The following MAP2K4 variants were observed in gnomAD, a reference collection of about 807,000 sequenced individuals.
MAP2K4 encodes the protein dual specificity mitogen-activated protein kinase kinase 4.
MAP2K4 carries 4 observed loss-of-function variants against 48.5 expected under a neutral mutation model. The ratio of observed to expected loss-of-function variants is 0.08; its 90% CI spans 0.04 to 0.19. MAP2K4 has a LOEUF of 0.19. MAP2K4 is among the 10% of genes least tolerant of loss of function. The pLI is 1.00. For missense variants in MAP2K4, 258 were observed against 493.3 expected (o/e 0.52, Z 4.52); for synonymous variants, 166 against 173.1 (o/e 0.96, Z 0.32).
chr17:12,047,223 T>G (rs1319115854), intron 1 of MAP2K4, among the ~76,000 whole-genome samples: 1 of 152,060 alleles, frequency 6.6e-6, no homozygotes, highest in East Asian at 1.9e-4. Flanking sequence ...GAGGAAAATG[T>G]TTAATATTTA....
At chr17:12,055,291 A>G (rs1970250374) in intron 2 of MAP2K4, among the ~76,000 whole-genome samples, 1 of 152,120 alleles carries the variant, frequency 6.6e-6, no homozygotes, top group African/African-American at 2.4e-5. Flanking sequence ...AGTTGTGTAC[A>G]TGTGAGTGTA....
intron 1 of MAP2K4, among the ~76,000 whole-genome samples, chr17:12,047,885 G>A (rs1486177298): frequency 6.6e-6 from 1 of 152,224 alleles, no homozygotes; most frequent in Non-Finnish European, 1.5e-5. Flanking sequence ...TTTCACAGAT[G>A]TGTAGTGTAC....
chr17:12,033,125 T>G (rs1188309685), intron 1 of MAP2K4, among the ~76,000 whole-genome samples: 1 of 152,008 alleles, frequency 6.6e-6, no homozygotes, highest in African/African-American at 2.4e-5. Flanking sequence ...TGTGAGCGAC[T>G]GTACCCGGCC....
intron 3 of MAP2K4, among the ~76,000 whole-genome samples, chr17:12,089,433 T>C (rs1971490798): frequency 1.3e-5 from 2 of 152,268 alleles, no homozygotes; most frequent in Middle Eastern, 6.8e-3. Context: ...CTTGCATTAT[T>C]TTATCTTGTG....
intron 1 of MAP2K4, among the ~76,000 whole-genome samples, chr17:12,037,750 T>G (rs1417026979): frequency 6.6e-6 from 1 of 152,064 alleles, no homozygotes; most frequent in Non-Finnish European, 1.5e-5. Context: ...CAATGGGAAG[T>G]CCATCTGCTT....
intron 1 of MAP2K4, among the ~76,000 whole-genome samples, chr17:12,024,407 C>G (rs1008113389): frequency 6.6e-6 from 1 of 152,132 alleles, no homozygotes; most frequent in South Asian, 2.1e-4. Context: ...GGAATAGCTG[C>G]TAATTTTGTT....
At chr17:12,045,996 C>A (rs1347289112) in intron 1 of MAP2K4, among the ~76,000 whole-genome samples, 2 of 152,184 alleles carry the variant, frequency 1.3e-5, no homozygotes, top group Non-Finnish European at 2.9e-5. Flanking sequence ...CAAATGTTTC[C>A]TCTTCCTGGC....
chr17:12,112,607 T>C (rs1468688401), intron 6 of MAP2K4, among the ~76,000 whole-genome samples: 1 of 152,180 alleles, frequency 6.6e-6, no homozygotes, highest in Non-Finnish European at 1.5e-5. Flanking sequence ...TTCTGCATCC[T>C]ATATTTTAAA....
At chr17:12,040,031 A>G (rs548731138) in intron 1 of MAP2K4, among the ~76,000 whole-genome samples, 61 of 152,288 alleles carry the variant, frequency 4.0e-4, no homozygotes, top group African/African-American at 1.4e-3. Flanking sequence ...CATCACATCC[A>G]GGTGTGTTGT....
intron 9 of MAP2K4, among the ~76,000 whole-genome samples, chr17:12,136,357 T>G (rs140662087): frequency 2.8e-3 from 427 of 152,262 alleles, no homozygotes; most frequent in Non-Finnish European, 3.5e-3. Context: ...AAGAACCAAA[T>G]AGAACTTCTA....
chr17:12,037,162 G>C (rs1969627931), intron 1 of MAP2K4, among the ~76,000 whole-genome samples: 1 of 152,060 alleles, frequency 6.6e-6, no homozygotes, highest in South Asian at 2.1e-4. Context: ...GTGGTTTTTG[G>C]TGGCACTGCA....
At chr17:12,136,044 A>G (rs1407166907) in intron 9 of MAP2K4, among the ~76,000 whole-genome samples, 1 of 152,184 alleles carries the variant, frequency 6.6e-6, no homozygotes, top group African/African-American at 2.4e-5. Flanking sequence ...AGAGAATTTA[A>G]TTTTAAGAAA....
chr17:12,095,389 A>T, intron 3 of MAP2K4, 186 bp from the exon 4 acceptor site: 1 of 669,966 alleles, frequency 1.5e-6, no homozygotes. Flanking sequence ...CTGTTTGTTA[A>T]ACTTTCTGTG....
Position 12,095,927 on chromosome 17 carries a change from G to A in MAP2K4, c.513+233G>A, listed in dbSNP as rs563120433. 1.8e-3 allele frequency among the ~76,000 whole-genome samples: 255 copies of A among 143,836 alleles called. 1 individual carries two copies. Among genetic ancestry groups the A allele is most frequent in the African/African-American group, 6.4e-3 (249 of 39,160 alleles). 94.4% of individuals were successfully genotyped at this position (143,836 alleles called of 152,430 possible). On this transcript the variant is annotated intron_variant, in intron 4 of 10. Coordinates refer to ENST00000353533, the MANE Select transcript of MAP2K4 (RefSeq NM_003010.4). The stretch of plus-strand genomic sequence containing the variant: ...TGTGTGTGTGTGTGTGTGTGTGTGT[G>A]TATTTTAGTATTGGTGGCTGTCATT...
chr17:12,056,010 A>G (rs1254182135), intron 2 of MAP2K4, among the ~76,000 whole-genome samples: 1 of 152,116 alleles, frequency 6.6e-6, no homozygotes, highest in African/African-American at 2.4e-5. Flanking sequence ...AACATCAAGT[A>G]GGGGCTATCT....
chr17:12,123,815 A>G (rs1449245404), intron 7 of MAP2K4, among the ~76,000 whole-genome samples: 1 of 152,080 alleles, frequency 6.6e-6, no homozygotes, highest in Non-Finnish European at 1.5e-5. Context: ...AAATCTTCAG[A>G]TATTTGAGGA....
chr17:12,121,219 TA>T (rs1972678096), intron 7 of MAP2K4, among the ~76,000 whole-genome samples: 1 of 152,194 alleles, frequency 6.6e-6, no homozygotes. Flanking sequence ...TATAGTTGTA[TA>T]TGAAACATAA....
chr17:12,055,373 A>AT (rs1352169423), intron 2 of MAP2K4, among the ~76,000 whole-genome samples: 1 of 152,088 alleles, frequency 6.6e-6, no homozygotes, highest in African/African-American at 2.4e-5. Context: ...CTTAGTGAAA[A>AT]TATTAGAGCA....
intron 9 of MAP2K4, among the ~76,000 whole-genome samples, chr17:12,135,281 T>G (rs1973169426): frequency 6.6e-6 from 1 of 152,078 alleles, no homozygotes; most frequent in East Asian, 1.9e-4. Flanking sequence ...GAGTTGGGGT[T>G]TCTCCATGTT....
Sources: gnomAD v4.1 joint callset for allele counts (sites outside exome capture counted in the v4.1 genomes callset) on GRCh38, gnomAD v4.1.1 for gene constraint, MANE v1.5 for transcripts, NCBI Gene and HGNC (gene_info 2026-07-23, HGNC 2026-07-21) for gene names.